TBC1D14: variants seen among roughly 807,000 people sequenced by gnomAD.
The protein encoded by TBC1D14 is TBC1 domain family, member 14.
Under a neutral mutation model 79.0 loss-of-function variants are expected in TBC1D14, and 26 were observed. The observed-to-expected ratio is 0.33, with a 90% CI of 0.24 to 0.46. The LOEUF (loss-of-function observed/expected upper bound fraction) is 0.46. TBC1D14 is among the 20% of genes least tolerant of loss of function. The pLI is 1.00. For missense variants in TBC1D14, 769 were observed against 887.6 expected, an observed-to-expected ratio of 0.87 and a Z score of 1.70; for synonymous variants, 394 against 349.9, an observed-to-expected ratio of 1.13 and a Z score of -1.40.
At chr4:6,961,225 A>G (rs932118687) in intron 2 of TBC1D14, among the ~76,000 whole-genome samples, 6 of 152,046 alleles carry the variant, frequency 3.9e-5, no homozygotes, top group Middle Eastern at 3.2e-3. Context: ...GGCTCTTCAC[A>G]TGGCCGGGTG....
intron 2 of TBC1D14, among the ~76,000 whole-genome samples, chr4:6,952,543 T>TA (rs1485843423): frequency 6.6e-6 from 1 of 152,258 alleles, no homozygotes; most frequent in Admixed American, 6.5e-5. Flanking sequence ...GCAAAAGTAA[T>TA]ATGTGCTTGT....
intron 12 of TBC1D14, among the ~76,000 whole-genome samples, chr4:7,018,577 A>C (rs1480616741): frequency 6.6e-6 from 1 of 152,196 alleles, no homozygotes; most frequent in Non-Finnish European, 1.5e-5. Context: ...TCTGTGCCTG[A>C]GGGTCACCTT....
In TBC1D14 at chr4:7,006,674, T is replaced by A; in HGVS notation, c.1394T>A (p.Leu465His). The A allele has an allele frequency of 1.2e-6, 2 of 1,614,078 alleles. No homozygotes were observed. Among genetic ancestry groups the A allele is most frequent in the Non-Finnish European group, 1.7e-6 (2 of 1,179,994 alleles). ...SAADREASLE[L>H]IKLDISRTFP... is the part of the protein sequence containing the mutation. ...GCAGACAGAGAAGCCAGTCTGGAGCTTATTAAACTGGACATTTCTAGAACA... is the reference window on the plus strand; with the variant it reads ...GCAGACAGAGAAGCCAGTCTGGAGCATATTAAACTGGACATTTCTAGAACA... Residue 465 changes from leucine to histidine, a missense_variant, in exon 9 of 14, where the codon CTT (leucine) becomes CAT (histidine). Leu to His is a moderately conservative substitution (Grantham distance 99). This residue lies in a region of TBC1D14 where 367 missense variants were observed against 494.4 expected (regional missense o/e 0.74). Coordinates refer to ENST00000409757, the MANE Select transcript of TBC1D14 (RefSeq NM_020773.3).
intron 3 of TBC1D14, among the ~76,000 whole-genome samples, chr4:6,969,922 C>G (rs1388591486): frequency 6.6e-6 from 1 of 152,162 alleles, no homozygotes; most frequent in East Asian, 1.9e-4. Context: ...GTCTCTGGCC[C>G]TCTCATCGCT....
intron 1 of TBC1D14, among the ~76,000 whole-genome samples, chr4:6,919,170 G>A (rs572204683): frequency 7.3e-4 from 111 of 151,126 alleles, no homozygotes; most frequent in South Asian, 3.1e-3. Flanking sequence ...TTTTTTAGAC[G>A]GAGTTTTCTC....
intron 1 of TBC1D14, among the ~76,000 whole-genome samples, chr4:6,911,011 C>T (rs115747857): frequency 6.6e-6 from 1 of 152,182 alleles, no homozygotes; most frequent in African/African-American, 2.4e-5. Flanking sequence ...TGCTGTCTTG[C>T]CTAGCTTTTA....
intron 2 of TBC1D14, among the ~76,000 whole-genome samples, chr4:6,947,447 G>A (rs1472704618): frequency 6.6e-6 from 1 of 151,536 alleles, no homozygotes; most frequent in South Asian, 2.1e-4. Flanking sequence ...GCAGTGAGCC[G>A]AGATCGTGCC....
At chr4:6,977,069 C>CCCTCTCCCT (rs1560299636) in intron 3 of TBC1D14, among the ~76,000 whole-genome samples, 3 of 12,186 alleles carry the variant, frequency 2.5e-4, no homozygotes, top group Non-Finnish European at 7.3e-4. Flanking sequence ...TCCCTCCTCT[C>CCCTCTCCCT]CCTCTCCCTC....
At chr4:6,940,916 C>T (rs551771286) in intron 2 of TBC1D14, among the ~76,000 whole-genome samples, 18 of 151,984 alleles carry the variant, frequency 1.2e-4, no homozygotes, top group Non-Finnish European at 8.8e-5. Flanking sequence ...CATGAATGAA[C>T]GAATGAATGA....
rs1188687911 is a variant in TBC1D14 at position 7,004,872 on chromosome 4, C to T, written c.1299C>T (p.Ala433=). The T allele has an allele frequency of 4.3e-6, 7 of 1,613,954 alleles. No homozygotes were observed. Among genetic ancestry groups the T allele is most frequent in the Non-Finnish European group, 5.9e-6 (7 of 1,180,016 alleles). ...TCTTTGACATCTGTCTTGCCCGAGC[C>T]AAGGAGAGGTGGCGGTCCCTTAGCA... ...HELFDICLAR[A]KERWRSLSTG... is the part of the protein sequence containing the mutation. Residue 433 remains alanine, a synonymous_variant, in exon 8 of 14, where the codon GCC becomes GCT. Coordinates refer to ENST00000409757, the MANE Select transcript of TBC1D14 (RefSeq NM_020773.3).
intron 3 of TBC1D14, among the ~76,000 whole-genome samples, chr4:6,980,891 A>G (rs751517911): frequency 2.7e-4 from 41 of 149,430 alleles, no homozygotes; most frequent in Admixed American, 2.0e-4. Flanking sequence ...AATTTTTTGT[A>G]TTTTTAGTAG....
At chr4:6,992,832 G>A (rs559348519) in intron 3 of TBC1D14, among the ~76,000 whole-genome samples, 6 of 152,206 alleles carry the variant, frequency 3.9e-5, no homozygotes, top group Admixed American at 6.5e-5. Context: ...GAATGAGTCC[G>A]TGTTTTCAGT....
intron 2 of TBC1D14, among the ~76,000 whole-genome samples, chr4:6,965,564 TAG>T (rs1197459004): frequency 6.6e-6 from 1 of 152,180 alleles, no homozygotes; most frequent in Non-Finnish European, 1.5e-5. Flanking sequence ...TTTTAAAAAA[TAG>T]AGACAAGTGT....
chr4:6,978,243 T>C lies in TBC1D14; in HGVS notation c.843+10819T>C, dbSNP rs374049550. 6.7e-4 allele frequency among the ~76,000 whole-genome samples: 101 copies of C among 149,676 alleles called. No homozygotes were observed. The East Asian group carries it at 8.3e-3, about 12-fold the overall frequency. On this transcript the variant is annotated intron_variant, in intron 3 of 13. Coordinates refer to ENST00000409757, the MANE Select transcript of TBC1D14 (RefSeq NM_020773.3). ...CCACCACCCCGTCTGGGAGGTGTAC[T>C]CAACAGCTCATTGAGAACGGGCCAT...
chr4:6,921,030 T>G (rs1360493129), intron 1 of TBC1D14, among the ~76,000 whole-genome samples: 5 of 152,220 alleles, frequency 3.3e-5, no homozygotes, highest in African/African-American at 1.2e-4. Flanking sequence ...TCCACCTGCT[T>G]CGGCCTCCCA....
chr4:6,939,568 A>G (rs1283415965), intron 2 of TBC1D14, among the ~76,000 whole-genome samples: 2 of 152,036 alleles, frequency 1.3e-5, no homozygotes, highest in African/African-American at 4.8e-5. Flanking sequence ...GGTCCTGGGG[A>G]TGTAGTGGTC....
intron 2 of TBC1D14, among the ~76,000 whole-genome samples, chr4:6,926,420 A>G (rs1724301503): frequency 6.6e-6 from 1 of 152,168 alleles, no homozygotes; most frequent in Non-Finnish European, 1.5e-5. Context: ...CAATTTCTAG[A>G]TCATTTCTAA....
intron 6 of TBC1D14, 67 bp downstream of exon 6, chr4:6,999,269 TGTA>T (rs983027510): frequency 3.0e-5 from 42 of 1,404,986 alleles, no homozygotes; most frequent in Non-Finnish European, 4.1e-5. Context: ...GGGCCACAGC[TGTA>T]GTCGTCATAG....
intron 2 of TBC1D14, among the ~76,000 whole-genome samples, chr4:6,964,618 T>G (rs549079023): frequency 5.4e-4 from 83 of 152,302 alleles, no homozygotes; most frequent in Non-Finnish European, 1.1e-3. Flanking sequence ...TTCATTTTCT[T>G]TTTCTTTCTT....
Sources: allele counts gnomAD v4.1 joint callset (sites outside exome capture counted in the v4.1 genomes callset), GRCh38; gene constraint gnomAD v4.1.1; regional missense constraint gnomAD v4.1.1; transcripts MANE v1.5; gene names NCBI Gene and HGNC (gene_info 2026-07-23, HGNC 2026-07-21).